The following SNX29 variants were observed in gnomAD, a reference collection of about 807,000 sequenced individuals.
SNX29 encodes the protein sorting nexin-29.
In SNX29, 78 loss-of-function variants were observed where a neutral mutation model predicts 102.1. That is an observed-to-expected ratio of 0.76 (90% CI 0.64 to 0.92). The LOEUF is 0.92. SNX29 is among the 40% of genes least tolerant of loss of function. SNX29 has a pLI of 0.00. For missense variants in SNX29, 1,280 were observed against 1,061.7 expected, an observed-to-expected ratio of 1.21 and a Z score of -2.86; for synonymous variants, 580 against 414.5, an observed-to-expected ratio of 1.40 and a Z score of -4.85.
chr16:11,997,923 C>T (rs992419955), intron 1 of SNX29, among the ~76,000 whole-genome samples: 4 of 152,152 alleles, frequency 2.6e-5, no homozygotes, highest in Admixed American at 2.6e-4. Flanking sequence ...CTTGACTTCC[C>T]CGAGCTTCAG....
chr16:12,567,050 G>A (rs769553648), intron 20 of SNX29, among the ~76,000 whole-genome samples: 4 of 152,362 alleles, frequency 2.6e-5, no homozygotes, highest in South Asian at 2.1e-4. Flanking sequence ...ACATGAAGAT[G>A]CTAGGCTGTT....
At chr16:12,206,797 G>C (rs2077054788) in intron 14 of SNX29, among the ~76,000 whole-genome samples, 1 of 147,448 alleles carries the variant, frequency 6.8e-6, no homozygotes, top group Admixed American at 6.9e-5. Flanking sequence ...CCAAAAATCA[G>C]TAGTGGGAAT....
chr16:11,981,221 C>G (rs188664224), intron 1 of SNX29, among the ~76,000 whole-genome samples: 119 of 152,258 alleles, frequency 7.8e-4, no homozygotes, highest in African/African-American at 2.7e-3. Context: ...CCGCCTACCT[C>G]AGCCTCCCAA....
intron 11 of SNX29, among the ~76,000 whole-genome samples, chr16:12,117,333 C>T (rs112694175): frequency 2.8e-5 from 4 of 140,578 alleles, no homozygotes; most frequent in Admixed American, 7.2e-5. Context: ...TCAATGCGGA[C>T]GAACCGTGGA....
chr16:12,035,786 G>A (rs2057456600), intron 4 of SNX29, among the ~76,000 whole-genome samples: 1 of 151,976 alleles, frequency 6.6e-6, no homozygotes, highest in African/African-American at 2.4e-5. Flanking sequence ...ATCTCGGTGA[G>A]GGATTAAGCC....
chr16:12,006,521 AAAAAAAAAAAAAAGCAAT>A (rs1730588225), intron 3 of SNX29, among the ~76,000 whole-genome samples: 1 of 151,566 alleles, frequency 6.6e-6, no homozygotes, highest in Admixed American at 6.6e-5. Context: ...TCTCAGAAAA[AAAAAAAAAAAAAAGCAAT>A]AATAATAGTT....
chr16:12,364,074 C>G (rs137989441), intron 16 of SNX29, among the ~76,000 whole-genome samples: 2 of 152,188 alleles, frequency 1.3e-5, no homozygotes, highest in East Asian at 3.9e-4. Context: ...CTCGGTGTAA[C>G]CTCAAACTCC....
chr16:12,215,177 A>G (rs2077288200), intron 14 of SNX29, among the ~76,000 whole-genome samples: 1 of 152,114 alleles, frequency 6.6e-6, no homozygotes, highest in Non-Finnish European at 1.5e-5. Flanking sequence ...ATCCCCATTT[A>G]CACGGGAGAA....
At chr16:12,358,367 C>T (rs1337397144) in intron 16 of SNX29, among the ~76,000 whole-genome samples, 1 of 151,970 alleles carries the variant, frequency 6.6e-6, no homozygotes. Context: ...ATCAGGAGTT[C>T]GAGACCAGCC....
rs111929416 is a variant in SNX29 at position 12,304,412 on chromosome 16, A to G, written c.1782+26376A>G. On this transcript the variant is annotated intron_variant, in intron 15 of 20. Transcript: ENST00000566228. ...CTTAGCCTCCTGAGTAGTTGGGACTACAGGTGCACGCCACCATGTCTGCTG... is the reference window on the plus strand; with the variant it reads ...CTTAGCCTCCTGAGTAGTTGGGACTGCAGGTGCACGCCACCATGTCTGCTG... Among the ~76,000 whole-genome samples, 838 of 152,332 alleles carry G rather than the reference A, an allele frequency of 5.5e-3. 7 individuals are homozygous for G. Among genetic ancestry groups the G allele is most frequent in the African/African-American group, 0.02 (811 of 41,572 alleles).
rs147406133 is a variant in SNX29, at chr16:12,467,619, C to CGTTTGTTA, written c.2038-10097_2038-10096insTGTTAGTT. 8.4e-4 allele frequency among the ~76,000 whole-genome samples: 121 copies of CGTTTGTTA among 143,746 alleles called. 1 individual carries two copies. The highest frequency in any genetic ancestry group is 3.2e-3 in the African/African-American group (116 of 36,526). The allele number at this position is 143,746 out of a possible 152,430, so 94.3% of individuals were successfully genotyped here. A position where few individuals can be genotyped will look rare whatever the true frequency, so the allele number is the denominator to read the frequency against. ...TCATTCGTTTGTTCGTTTGTTCGTTCGTTAGTTCGTTCGTTCGTTCATTCA... is the reference window on the plus strand; with the variant it reads ...TCATTCGTTTGTTCGTTTGTTCGTTCGTTTGTTAGTTAGTTCGTTCGTTCGTTCATTCA... On this transcript the variant is annotated intron_variant, in intron 18 of 20. Transcript: ENST00000566228.
At chr16:12,543,871 C>T (rs964957380) in intron 20 of SNX29, among the ~76,000 whole-genome samples, 1 of 152,202 alleles carries the variant, frequency 6.6e-6, no homozygotes, top group Non-Finnish European at 1.5e-5. Context: ...ATCCTCTTAC[C>T]ACACTACAAG....
chr16:12,440,910 A>G (rs1207198210), intron 18 of SNX29, among the ~76,000 whole-genome samples: 2 of 152,118 alleles, frequency 1.3e-5, no homozygotes, highest in Admixed American at 1.3e-4. Context: ...TGTGCTAAGC[A>G]TGTGTCTTTA....
At chr16:12,554,971 G>GGGGGGGGGA (rs1257852197) in intron 20 of SNX29, among the ~76,000 whole-genome samples, 7 of 150,916 alleles carry the variant, frequency 4.6e-5, no homozygotes, top group African/African-American at 1.7e-4. Flanking sequence ...GTGGTGAGGG[G>GGGGGGGGGA]GGTCAGTCAG....
At chr16:12,179,700 T>C (rs1239159032) in intron 13 of SNX29, among the ~76,000 whole-genome samples, 1 of 152,236 alleles carries the variant, frequency 6.6e-6, no homozygotes, top group African/African-American at 2.4e-5. Context: ...CTGTGACGGA[T>C]TCTGCAAGGG....
At chr16:12,274,183 G>C (rs987635136) in intron 14 of SNX29, among the ~76,000 whole-genome samples, 7 of 152,190 alleles carry the variant, frequency 4.6e-5, no homozygotes, top group Non-Finnish European at 1.0e-4. Flanking sequence ...GCTTGCCTGG[G>C]TGTATAAGGC....
intron 20 of SNX29, among the ~76,000 whole-genome samples, chr16:12,544,668 C>G (rs770262149): frequency 8.5e-5 from 13 of 152,210 alleles, no homozygotes; most frequent in African/African-American, 4.8e-5. Flanking sequence ...CTCATGAAGC[C>G]TTTGAGAGCG....
At chr16:12,290,309 T>C (rs953062425) in intron 15 of SNX29, among the ~76,000 whole-genome samples, 1 of 152,168 alleles carries the variant, frequency 6.6e-6, no homozygotes, top group Non-Finnish European at 1.5e-5. Flanking sequence ...CACAGGCAGG[T>C]GTAAGGTCCC....
chr16:12,497,463 G>T (rs915877954), intron 19 of SNX29, among the ~76,000 whole-genome samples: 2 of 152,122 alleles, frequency 1.3e-5, no homozygotes, highest in African/African-American at 2.4e-5. Context: ...TGCTTTCTAC[G>T]GCAAGTGGCA....
Sources: gnomAD v4.1 joint callset for allele counts (sites outside exome capture counted in the v4.1 genomes callset) on GRCh38, gnomAD v4.1.1 for gene constraint, MANE v1.5 for transcripts, NCBI Gene and HGNC (gene_info 2026-07-23, HGNC 2026-07-21) for gene names.